Variants in CNTN4 observed in about 807,000 individuals in gnomAD.
The protein encoded by CNTN4 is contactin-4.
CNTN4 carries 77 observed loss-of-function variants against 122.5 expected under a neutral mutation model. That is an observed-to-expected ratio of 0.63 (90% confidence interval 0.52 to 0.76). The LOEUF is 0.76. Among genes scored for constraint, CNTN4 ranks in the 30% least tolerant of loss-of-function variants. The pLI is 0.00. For missense variants in CNTN4, 1,256 were observed against 1,259.1 expected, an observed-to-expected ratio of 1.00 and a Z score of 0.04; for synonymous variants, 512 against 447.0, an observed-to-expected ratio of 1.15 and a Z score of -1.83.
intron 2 of CNTN4, among the ~76,000 whole-genome samples, chr3:2,152,733 T>A (rs1162339482): frequency 1.3e-5 from 2 of 152,204 alleles, no homozygotes; most frequent in Non-Finnish European, 2.9e-5. Flanking sequence ...GTTCTGTATC[T>A]GCCTTCCTGA....
At chr3:2,982,376 A>G (rs1006650535) in intron 13 of CNTN4, among the ~76,000 whole-genome samples, 19 of 152,104 alleles carry the variant, frequency 1.2e-4, no homozygotes, top group Non-Finnish European at 2.4e-4. Flanking sequence ...TGAAAACTCA[A>G]TTTCTAACAT....
At chr3:2,983,652 A>G (rs1577502045) in intron 13 of CNTN4, among the ~76,000 whole-genome samples, 1 of 152,334 alleles carries the variant, frequency 6.6e-6, no homozygotes, top group Middle Eastern at 3.4e-3. Context: ...TCCCATTTTT[A>G]CAAACAAGGA....
chr3:2,581,552 C>T (rs2079936725), intron 4 of CNTN4, among the ~76,000 whole-genome samples: 1 of 152,156 alleles, frequency 6.6e-6, no homozygotes, highest in South Asian at 2.1e-4. Flanking sequence ...ACTGTTTTAA[C>T]ACATCCCCTT....
At chr3:2,904,020 C>T (rs1170386974) in intron 12 of CNTN4, among the ~76,000 whole-genome samples, 1 of 150,934 alleles carries the variant, frequency 6.6e-6, no homozygotes, top group Non-Finnish European at 1.5e-5. Flanking sequence ...AATCTATGGA[C>T]GTTAAAAAAA....
At chr3:2,549,803 A>C (rs1381037830) in intron 3 of CNTN4, among the ~76,000 whole-genome samples, 1 of 152,122 alleles carries the variant, frequency 6.6e-6, no homozygotes, top group Non-Finnish European at 1.5e-5. Context: ...CCTCTGGTAG[A>C]ATTCAGCTGT....
chr3:2,160,188 T>C (rs2035897246), intron 2 of CNTN4, among the ~76,000 whole-genome samples: 1 of 152,222 alleles, frequency 6.6e-6, no homozygotes, highest in East Asian at 1.9e-4. Context: ...GTGATCCTTT[T>C]ATGACTCTAT....
intron 3 of CNTN4, among the ~76,000 whole-genome samples, chr3:2,461,286 A>T (rs2049196405): frequency 6.6e-6 from 1 of 151,858 alleles, no homozygotes; most frequent in African/African-American, 2.4e-5. Context: ...AAAGCTACTA[A>T]CTGTTTTCAC....
At chr3:2,111,656 A>C (rs1441740377) in intron 2 of CNTN4, among the ~76,000 whole-genome samples, 1 of 152,134 alleles carries the variant, frequency 6.6e-6, no homozygotes, top group Admixed American at 6.5e-5. Flanking sequence ...ACAAATATAT[A>C]TTAAAGTTAG....
At chr3:2,113,754 A>G (rs1210779656) in intron 2 of CNTN4, among the ~76,000 whole-genome samples, 1 of 152,210 alleles carries the variant, frequency 6.6e-6, no homozygotes, top group Non-Finnish European at 1.5e-5. Context: ...TGGAATAGAC[A>G]ATGCTTTGAA....
intron 9 of CNTN4, among the ~76,000 whole-genome samples, chr3:2,883,963 A>T (rs2093940651): frequency 6.6e-6 from 1 of 152,236 alleles, no homozygotes; most frequent in East Asian, 1.9e-4. Context: ...CTATTATCTG[A>T]AGTGAGAATT....
At chr3:2,465,526 A>C (rs1321269792) in intron 3 of CNTN4, among the ~76,000 whole-genome samples, 1 of 152,064 alleles carries the variant, frequency 6.6e-6, no homozygotes, top group African/African-American at 2.4e-5. Context: ...AAATATAAAA[A>C]ATTAACCGGG....
At chr3:2,983,902 C>A (rs1160950272) in intron 13 of CNTN4, among the ~76,000 whole-genome samples, 1 of 152,160 alleles carries the variant, frequency 6.6e-6, no homozygotes, top group East Asian at 1.9e-4. Flanking sequence ...TTAATGAAGA[C>A]TACTGAAAAT....
rs1018280632 is a variant in CNTN4 at position 2,339,233 on chromosome 3, G to A, written c.-89G>A. 4.6e-5 allele frequency: 7 copies of A among 152,030 alleles called. No individual in the cohort carries two copies. Among genetic ancestry groups the A allele is most frequent in the African/African-American group, 1.7e-4 (7 of 41,422 alleles). The allele number at this position is 152,030 out of a possible 1,614,324, so 9.4% of individuals were successfully genotyped here. A position where few individuals can be genotyped will look rare whatever the true frequency, so the allele number is the denominator to read the frequency against. On this transcript the variant is annotated splice_region_variant and 5_prime_UTR_variant, in exon 3 of 25. Coordinates refer to ENST00000418658, the MANE Select transcript of CNTN4 (RefSeq NM_175607.3). ...TGTGTCTTCAAGAGCTTCCCTAAAA[G>A]GTAAGCTTCCCACAAGGGAAGATTT...
At chr3:2,535,511 G>A (rs778768544) in intron 3 of CNTN4, among the ~76,000 whole-genome samples, 2 of 151,990 alleles carry the variant, frequency 1.3e-5, no homozygotes, top group East Asian at 1.9e-4. Flanking sequence ...TTTCATTGAC[G>A]TCAAGGCCCT....
intron 4 of CNTN4, among the ~76,000 whole-genome samples, chr3:2,665,269 C>T (rs147626640): frequency 2.6e-5 from 4 of 152,212 alleles, no homozygotes; most frequent in Non-Finnish European, 4.4e-5. Flanking sequence ...TTTATTAGCA[C>T]GTTAGTGGAG....
chr3:2,353,241 C>G (rs1278838151), intron 3 of CNTN4, among the ~76,000 whole-genome samples: 1 of 152,116 alleles, frequency 6.6e-6, no homozygotes, highest in Non-Finnish European at 1.5e-5. Flanking sequence ...TGTAAATGCA[C>G]CAATCAGCAC....
At chr3:2,701,330 A>G (rs2086346185) in intron 4 of CNTN4, among the ~76,000 whole-genome samples, 1 of 152,150 alleles carries the variant, frequency 6.6e-6, no homozygotes, top group South Asian at 2.1e-4. Flanking sequence ...AATGAATTAG[A>G]TACAGATGGT....
intron 2 of CNTN4, among the ~76,000 whole-genome samples, chr3:2,115,937 C>T (rs535484806): frequency 2.6e-5 from 4 of 152,260 alleles, no homozygotes; most frequent in East Asian, 3.9e-4. Flanking sequence ...TGTGCCTAGC[C>T]TGTAAACTTG....
chr3:2,560,157 T>A (rs1002930087), intron 3 of CNTN4, among the ~76,000 whole-genome samples: 2 of 151,442 alleles, frequency 1.3e-5, no homozygotes, highest in Admixed American at 6.6e-5. Context: ...TTTTTTTTTT[T>A]AAGACAGGGT....
Sources: allele counts gnomAD v4.1 joint callset (sites outside exome capture counted in the v4.1 genomes callset), GRCh38; gene constraint gnomAD v4.1.1; transcripts MANE v1.5; gene names NCBI Gene and HGNC (gene_info 2026-07-23, HGNC 2026-07-21).